Variants in RNF2 observed in about 807,000 individuals in gnomAD.
RNF2 encodes E3 ubiquitin-protein ligase RING2.
In RNF2, 6 loss-of-function variants were observed where a neutral mutation model predicts 37.2. The ratio of observed to expected loss-of-function variants is 0.16; its 90% CI spans 0.09 to 0.32. The LOEUF (loss-of-function observed/expected upper bound fraction) is 0.32, where lower values mean the gene tolerates loss of function less well. Ranked by LOEUF, RNF2 falls within the 10% of genes least tolerant of loss-of-function variation. RNF2 has a pLI of 1.00. For synonymous variants in RNF2, 133 were observed against 132.7 expected (o/e 1.00, Z -0.02); for missense variants, 251 against 404.0 (o/e 0.62, Z 3.25).
chr1:185,047,768 C>A (rs890697184), intron 1 of RNF2, among the ~76,000 whole-genome samples: 2 of 152,152 alleles, frequency 1.3e-5, no homozygotes, highest in Non-Finnish European at 2.9e-5. Context: ...TCACAGTTTG[C>A]AGCTTTTAAA....
Position 185,101,966 on chromosome 1 carries a change from C to G in RNF2, c.*1665C>G, listed in dbSNP as rs936973072. On this transcript the variant is annotated 3_prime_UTR_variant, in exon 7 of 7. Transcript: ENST00000367510. ...TGTATAGATTATTAATGCATGCCCA[C>G]TGAATATAACCCTGGTTTTGTGATA... 2 of 151,862 alleles carry G rather than the reference C, an allele frequency of 1.3e-5. No homozygotes were observed. The highest frequency in any genetic ancestry group is 4.2e-4 in the South Asian group (2 of 4,806). 9.4% of individuals were successfully genotyped at this position (151,862 alleles called of 1,614,324 possible).
intron 2 of RNF2, 92 bp downstream of exon 2, chr1:185,087,732 A>G (rs1360334163): frequency 2.2e-6 from 2 of 901,872 alleles, no homozygotes. Context: ...ACATAGAGTA[A>G]TAATAAATTT....
At chr1:185,059,497 T>G (rs1165341353) in intron 1 of RNF2, among the ~76,000 whole-genome samples, 2 of 152,192 alleles carry the variant, frequency 1.3e-5, no homozygotes, top group Admixed American at 1.3e-4. Context: ...TGCAAATTAG[T>G]GTTATCTCTA....
rs1390836982 is a variant in RNF2 at position 185,102,087 on chromosome 1, G to T, written c.*1786G>T. ...AATTGAAATTTTGTCTTTAAGCAGA[G>T]AGTTATTTGTGACTATAAGCTTTGT... On this transcript the variant is annotated 3_prime_UTR_variant, in exon 7 of 7. Coordinates refer to ENST00000367510, the MANE Select transcript of RNF2 (RefSeq NM_007212.4). 1 of 152,438 alleles carries T rather than the reference G, an allele frequency of 6.6e-6. No individual in the cohort carries two copies. The highest frequency in any genetic ancestry group is 1.5e-5 in the Non-Finnish European group (1 of 67,988). 9.4% of individuals were successfully genotyped at this position (152,438 alleles called of 1,614,324 possible).
chr1:185,098,297 CA>C lies in RNF2; in HGVS notation c.691del (p.Arg231GlyfsTer18). 1 of 1,614,152 alleles carries C rather than the reference CA, an allele frequency of 6.2e-7. No individual in the cohort carries two copies. ...DGASEIELVFRPHPTLMEKDD... is the reference protein window; with the variant it reads ...DGASEIELVFXPHPTLMEKDD... The stretch of plus-strand genomic sequence containing the variant: ...GTGCTAGTGAAATTGAATTAGTATT[CA>C]GGCCTCATCCCACACTTATGGAAAA... On this transcript the variant is annotated frameshift_variant, in exon 5 of 7. Coordinates refer to ENST00000367510, the MANE Select transcript of RNF2 (RefSeq NM_007212.4). LOFTEE classifies it high-confidence loss of function.
chr1:185,066,413 C>T (rs887214280), intron 1 of RNF2, among the ~76,000 whole-genome samples: 5 of 152,196 alleles, frequency 3.3e-5, no homozygotes, highest in African/African-American at 1.2e-4. Context: ...TTTCTTTCCT[C>T]GCTTGGTTAA....
In RNF2 at chr1:185,096,914, G is replaced by A. The variant is rs76902199; in HGVS notation, c.465-1158G>A. Among the ~76,000 whole-genome samples the A allele has an allele frequency of 5.6e-3, 848 of 150,266 alleles. 31 individuals are homozygous for A. The East Asian group carries it at 0.085, about 15-fold the overall frequency. ...GGACTGTTATTTCTTTGTTCTGGCA[G>A]TAAACATAATGACAATATTCTTACA... On this transcript the variant is annotated intron_variant, in intron 4 of 6. Coordinates refer to ENST00000367510, the MANE Select transcript of RNF2 (RefSeq NM_007212.4).
chr1:185,061,508 G>T (rs960324993), intron 1 of RNF2, among the ~76,000 whole-genome samples: 1 of 152,084 alleles, frequency 6.6e-6, no homozygotes, highest in African/African-American at 2.4e-5. Context: ...AGAGGAAAAC[G>T]ATAGCTAGCT....
intron 2 of RNF2, 138 bp from the exon 3 acceptor site, chr1:185,091,441 C>A: frequency 2.8e-6 from 2 of 721,560 alleles, no homozygotes; most frequent in Non-Finnish European, 2.2e-6. Flanking sequence ...ACAAAATTAG[C>A]TGTGAGTTGA....
chr1:185,063,894 T>TCACATCGCTTTGTCTG (rs1387069832), intron 1 of RNF2, among the ~76,000 whole-genome samples: 1 of 152,202 alleles, frequency 6.6e-6, no homozygotes, highest in Non-Finnish European at 1.5e-5. Context: ...GCTTCTCACA[T>TCACATCGCTTTGTCTG]CACATCGCTT....
At chr1:185,054,204 A>G (rs1266565247) in intron 1 of RNF2, among the ~76,000 whole-genome samples, 1 of 152,244 alleles carries the variant, frequency 6.6e-6, no homozygotes, top group Non-Finnish European at 1.5e-5. Flanking sequence ...AGGGCACGCA[A>G]CGGGTTTCAA....
rs182876014 is a variant in RNF2 at position 185,073,768 on chromosome 1, A to G, written c.-2-13784A>G. 2.3e-3 allele frequency among the ~76,000 whole-genome samples: 347 copies of G among 152,342 alleles called. 2 individuals are homozygous for G. Among genetic ancestry groups the G allele is most frequent in the African/African-American group, 8.1e-3 (338 of 41,572 alleles). Reference sequence around the variant, plus strand: ...AAAGGGAAATGCATCTACTTCTGTAATCTGTTTCTTCTCACAACATTTCTG... The same window carrying G: ...AAAGGGAAATGCATCTACTTCTGTAGTCTGTTTCTTCTCACAACATTTCTG... On this transcript the variant is annotated intron_variant, in intron 1 of 6. Transcript: ENST00000367510.
intron 1 of RNF2, among the ~76,000 whole-genome samples, chr1:185,050,960 C>G (rs1215131772): frequency 6.6e-6 from 1 of 152,198 alleles, no homozygotes; most frequent in Non-Finnish European, 1.5e-5. Context: ...TATGTAGTTT[C>G]TTAATTGTCC....
chr1:185,082,281 TG>T (rs1293019968), intron 1 of RNF2, among the ~76,000 whole-genome samples: 7 of 151,502 alleles, frequency 4.6e-5, no homozygotes, highest in African/African-American at 1.5e-4. Context: ...AGTTGGTCGT[TG>T]TCAACTTCCG....
rs1056323727 is a variant in RNF2, at chr1:185,061,371, G to GA, written c.-3+15731dup. ...CTCAAGACCCTATCTCTTAAAAGGGGAAAAAAAAAGGGAAACAGAAATGAA... is the reference window on the plus strand; with the variant it reads ...CTCAAGACCCTATCTCTTAAAAGGGGAAAAAAAAAAGGGAAACAGAAATGAA... On this transcript the variant is annotated intron_variant, in intron 1 of 6. Transcript: ENST00000367510. 1.0e-4 allele frequency among the ~76,000 whole-genome samples: 15 copies of GA among 148,162 alleles called. 1 individual carries two copies. The South Asian group carries it at 2.2e-3, about 21-fold the overall frequency.
intron 1 of RNF2, among the ~76,000 whole-genome samples, chr1:185,072,870 A>G (rs1260832770): frequency 2.6e-5 from 4 of 152,038 alleles, no homozygotes; most frequent in African/African-American, 9.7e-5. Flanking sequence ...AACCCACGAG[A>G]TGGAAGTTGC....
At chr1:185,097,944 C>T in intron 4 of RNF2, 128 bp from the exon 5 acceptor site, 2 of 945,822 alleles carry the variant, frequency 2.1e-6, no homozygotes, top group Non-Finnish European at 3.1e-6. Context: ...CAATATCATC[C>T]AACTCAGAGT....
chr1:185,068,795 A>C (rs771788985), intron 1 of RNF2, among the ~76,000 whole-genome samples: 1 of 152,244 alleles, frequency 6.6e-6, no homozygotes, highest in Non-Finnish European at 1.5e-5. Flanking sequence ...GGACATTTCT[A>C]AGTAACTCAG....
At chr1:185,085,880 C>T (rs1391663612) in intron 1 of RNF2, among the ~76,000 whole-genome samples, 1 of 151,948 alleles carries the variant, frequency 6.6e-6, no homozygotes, top group Non-Finnish European at 1.5e-5. Context: ...TCGAACTCCT[C>T]ACCTCAGGTG....
Sources: gnomAD v4.1 joint callset for allele counts (sites outside exome capture counted in the v4.1 genomes callset) on GRCh38, gnomAD v4.1.1 for gene constraint, MANE v1.5 for transcripts, NCBI Gene and HGNC (gene_info 2026-07-23, HGNC 2026-07-21) for gene names.